The following SLC28A3 variants were observed in gnomAD, a reference collection of about 807,000 sequenced individuals.
SLC28A3 encodes the protein concentrative Na(+)-nucleoside cotransporter 3.
In SLC28A3, 68 loss-of-function variants were observed where a neutral mutation model predicts 84.2. The observed-to-expected ratio is 0.81, with a 90% CI of 0.66 to 0.99. SLC28A3 has a LOEUF of 0.99. SLC28A3 is among the 50% of genes least tolerant of loss of function. The pLI is 0.00. For missense variants in SLC28A3, 712 were observed against 841.5 expected, an observed-to-expected ratio of 0.85 and a Z score of 1.90; for synonymous variants, 267 against 303.6, an observed-to-expected ratio of 0.88 and a Z score of 1.25.
chr9:84,309,078 A>G (rs1825893700), intron 3 of SLC28A3, among the ~76,000 whole-genome samples: 2 of 152,228 alleles, frequency 1.3e-5, no homozygotes, highest in South Asian at 4.1e-4. Context: ...GTGAATTTAA[A>G]TCTGCATATT....
At chr9:84,302,474 A>G in intron 4 of SLC28A3, 85 bp from the exon 5 acceptor site, 1 of 1,368,454 alleles carries the variant, frequency 7.3e-7, no homozygotes, top group South Asian at 1.3e-5. Context: ...GGCGCAGGTG[A>G]GGGGAGGTTT....
chr9:84,321,407 T>C (rs531868457), intron 1 of SLC28A3, among the ~76,000 whole-genome samples: 1 of 151,968 alleles, frequency 6.6e-6, no homozygotes, highest in East Asian at 1.9e-4. Flanking sequence ...CTTTTTCCTT[T>C]AGGGTTCCTG....
At chr9:84,331,331 C>T (rs1344754173) in intron 1 of SLC28A3, among the ~76,000 whole-genome samples, 1 of 152,132 alleles carries the variant, frequency 6.6e-6, no homozygotes, top group East Asian at 1.9e-4. Context: ...ATTGACTTCC[C>T]AGGCTAGTGG....
Position 84,277,297 on chromosome 9 carries a change from C to T in SLC28A3, c.*921G>A, listed in dbSNP as rs1824559132. The T allele has an allele frequency of 6.6e-6, 1 of 152,254 alleles. No individual in the cohort carries two copies. The highest frequency in any genetic ancestry group is 6.5e-5 in the Admixed American group (1 of 15,282). 9.4% of individuals were successfully genotyped at this position (152,254 alleles called of 1,614,324 possible). A position where few individuals can be genotyped will look rare whatever the true frequency, so the allele number is the denominator to read the frequency against. On this transcript the variant is annotated 3_prime_UTR_variant, in exon 18 of 18. Coordinates refer to ENST00000376238, the MANE Select transcript of SLC28A3 (RefSeq NM_001199633.2). ...TACTTCTGCAAAATATTCACTATCC[C>T]TCCCTATGACAGGATAATTTAACTG...
At chr9:84,289,252 CCTA>C (rs1825117035) in intron 11 of SLC28A3, among the ~76,000 whole-genome samples, 2 of 152,212 alleles carry the variant, frequency 1.3e-5, no homozygotes, top group South Asian at 4.1e-4. Context: ...CTTGCCTCTT[CCTA>C]CTAATTGGCA....
chr9:84,332,641 G>A (rs1308525885), intron 1 of SLC28A3, among the ~76,000 whole-genome samples: 8 of 152,030 alleles, frequency 5.3e-5, no homozygotes. Context: ...TCATTGTAAG[G>A]CTTTTGGAGC....
intron 1 of SLC28A3, among the ~76,000 whole-genome samples, chr9:84,339,028 G>T (rs1827071994): frequency 6.6e-6 from 1 of 152,138 alleles, no homozygotes; most frequent in Admixed American, 6.5e-5. Context: ...AGATGCCGCT[G>T]AGATAAATCT....
At chr9:84,348,516 G>C in the SLC28A3 span, among the ~76,000 whole-genome samples, 11 of 152,160 alleles carry the variant, frequency 7.2e-5, no homozygotes, top group African/African-American at 2.7e-4. Flanking sequence ...CTATCTCATG[G>C]GTCTGTCATG....
upstream of SLC28A3, chr9:84,340,764 C>A: frequency 2.1e-6 from 2 of 973,816 alleles, no homozygotes; most frequent in South Asian, 1.5e-5. Flanking sequence ...AGTTTGGAAA[C>A]TTCTGCAATA....
intron 2 of SLC28A3, chr9:84,310,348 T>A: frequency 1.1e-6 from 1 of 946,952 alleles, no homozygotes. Flanking sequence ...TCTTTCTAGG[T>A]ACAGTTTGAG....
intron 1 of SLC28A3, among the ~76,000 whole-genome samples, chr9:84,326,633 A>AAACAACAAC (rs34082643): frequency 2.7e-5 from 4 of 148,176 alleles, no homozygotes; most frequent in South Asian, 2.2e-4. Flanking sequence ...GATGGATTAA[A>AAACAACAAC]AACAACAACA....
intron 4 of SLC28A3, 151 bp downstream of exon 4, chr9:84,305,103 T>TGATTTA: frequency 1.5e-6 from 1 of 680,136 alleles, no homozygotes; most frequent in East Asian, 2.7e-5. Context: ...AAGGGCTTCT[T>TGATTTA]GATTTACTTC....
At chr9:84,362,564 G>A in the SLC28A3 span, among the ~76,000 whole-genome samples, 17 of 152,022 alleles carry the variant, frequency 1.1e-4, no homozygotes, top group South Asian at 6.2e-4. Flanking sequence ...CCTGGGAGGC[G>A]GAGATTGCAG....
At chr9:84,352,242 G>T in the SLC28A3 span, among the ~76,000 whole-genome samples, 1 of 151,964 alleles carries the variant, frequency 6.6e-6, no homozygotes, top group Non-Finnish European at 1.5e-5. Flanking sequence ...GGAGTGCAAT[G>T]ACGTGATCTT....
At chr9:84,335,274 T>C (rs1460267106) in intron 1 of SLC28A3, among the ~76,000 whole-genome samples, 1 of 152,108 alleles carries the variant, frequency 6.6e-6, no homozygotes, top group Non-Finnish European at 1.5e-5. Context: ...CGAGGCTGGG[T>C]GAGGTGGCTC....
intron 12 of SLC28A3, among the ~76,000 whole-genome samples, chr9:84,287,289 G>A (rs1467365063): frequency 3.3e-5 from 5 of 152,176 alleles, no homozygotes; most frequent in Non-Finnish European, 5.9e-5. Context: ...CTACATACAA[G>A]TATGGGTGAA....
intron 1 of SLC28A3, among the ~76,000 whole-genome samples, chr9:84,331,678 G>A (rs748721363): frequency 3.0e-4 from 46 of 152,330 alleles, no homozygotes; most frequent in Non-Finnish European, 5.4e-4. Context: ...CTGTGCCTCT[G>A]AGAGCAGCTG....
intron 5 of SLC28A3, among the ~76,000 whole-genome samples, chr9:84,301,349 CAA>C (rs59917986): frequency 1.8e-4 from 8 of 44,720 alleles, no homozygotes; most frequent in Admixed American, 5.6e-4. Context: ...GACTCTGTCT[CAA>C]AAAAAAAAAA....
chr9:84,292,845 A>G (rs1825293678), intron 9 of SLC28A3, 97 bp from the exon 10 acceptor site: 2 of 776,444 alleles, frequency 2.6e-6, no homozygotes, highest in Non-Finnish European at 2.0e-6. Context: ...TAAAATATTG[A>G]GGGCTTCAAC....
Sources: gnomAD v4.1 joint callset for allele counts (sites outside exome capture counted in the v4.1 genomes callset) on GRCh38, gnomAD v4.1.1 for gene constraint, MANE v1.5 for transcripts, NCBI Gene and HGNC (gene_info 2026-07-23, HGNC 2026-07-21) for gene names.